The following FAM161B variants were observed in gnomAD, a reference collection of about 807,000 sequenced individuals.
FAM161B encodes the protein protein FAM161B.
A neutral mutation model predicts 61.5 loss-of-function variants in FAM161B; 46 were observed. The observed-to-expected ratio is 0.75, with a 90% CI of 0.59 to 0.96. The LOEUF (loss-of-function observed/expected upper bound fraction) is 0.96, where lower values mean the gene tolerates loss of function less well. Ranked by LOEUF, FAM161B falls within the 40% of genes least tolerant of loss-of-function variation. The probability of loss-of-function intolerance (pLI) is 0.00; values close to 1 mark genes in which losing one functional copy is unlikely to be tolerated. For missense variants in FAM161B, 774 were observed against 800.7 expected (o/e 0.97, Z 0.40); for synonymous variants, 284 against 302.7 (o/e 0.94, Z 0.64).
In FAM161B at chr14:73,944,710, T is replaced by G. The variant is rs1222136542; in HGVS notation, c.550A>C (p.Lys184Gln). 2 of 1,605,546 alleles carry G rather than the reference T, an allele frequency of 1.2e-6. No individual in the cohort carries two copies. The highest frequency in any genetic ancestry group is 3.4e-5 in the Admixed American group (2 of 59,648). ...PFRMTLREAR[K>Q]KAEWLGSPAS... ...GGTGAGCCCAGCCACTCGGCCTTCT[T>G]CCGGGCCTCGCGCAGCGTCATGCGG... Residue 184 changes from lysine to glutamine, a missense_variant, in exon 3 of 9, where the codon AAG becomes CAG. Physicochemically the swap from Lys to Gln is moderately conservative, Grantham distance 53. Coordinates refer to ENST00000286544, the MANE Select transcript of FAM161B (RefSeq NM_152445.3).
chr14:73,937,835 G>C, intron 6 of FAM161B, 113 bp downstream of exon 6: 1 of 1,559,754 alleles, frequency 6.4e-7, no homozygotes, highest in South Asian at 1.2e-5. Flanking sequence ...ACCCTGCTGT[G>C]ATTACAGGAG....
chr14:73,925,265 G>A, the FAM161B span, among the ~76,000 whole-genome samples: 2 of 152,038 alleles, frequency 1.3e-5, no homozygotes, highest in South Asian at 2.1e-4. Flanking sequence ...TCTCACTTAC[G>A]GAGCCTTCCT....
chr14:73,934,441 A>G (rs773096027), intron 8 of FAM161B, 47 bp from the exon 9 acceptor site: 17 of 1,566,626 alleles, frequency 1.1e-5, no homozygotes, highest in Non-Finnish European at 1.5e-5. Flanking sequence ...TTTTTTTTTC[A>G]GACAGGGTCT....
At chr14:73,931,118 T>G (rs926753686), downstream of FAM161B, among the ~76,000 whole-genome samples, 1 of 152,148 alleles carries the variant, frequency 6.6e-6, no homozygotes, top group Non-Finnish European at 1.5e-5. Context: ...TCTTCCTATT[T>G]CCTTCTCCTA....
At chr14:73,947,545 G>A (rs2056077597) in intron 1 of FAM161B, among the ~76,000 whole-genome samples, 1 of 152,112 alleles carries the variant, frequency 6.6e-6, no homozygotes, top group Non-Finnish European at 1.5e-5. Context: ...CTGGGCATTT[G>A]GCTGAGAACA....
At chr14:73,928,498 CGTG>C (rs2055866794), downstream of FAM161B, among the ~76,000 whole-genome samples, 1 of 152,154 alleles carries the variant, frequency 6.6e-6, no homozygotes, top group African/African-American at 2.4e-5. Context: ...TAGGGTATGA[CGTG>C]ATCAGATTTG....
At chr14:73,942,852 T>C (rs1255719805) in intron 3 of FAM161B, 137 bp from the exon 4 acceptor site, 1 of 703,922 alleles carries the variant, frequency 1.4e-6, no homozygotes, top group African/African-American at 1.8e-5. Context: ...TCTGACACGT[T>C]AACATCCTGT....
downstream of FAM161B, among the ~76,000 whole-genome samples, chr14:73,931,244 CA>C (rs1417905097): frequency 1.3e-5 from 2 of 152,156 alleles, no homozygotes; most frequent in East Asian, 3.9e-4. Flanking sequence ...GGTAACTACA[CA>C]AACAATAGTT....
chr14:73,931,559 T>C (rs758007403), downstream of FAM161B: 2 of 1,610,392 alleles, frequency 1.2e-6, no homozygotes, highest in Admixed American at 1.7e-5. Context: ...TGCTGACTCC[T>C]GGAAGAGCAA....
At chr14:73,940,456 T>G (rs1296709866) in intron 5 of FAM161B, among the ~76,000 whole-genome samples, 2 of 152,182 alleles carry the variant, frequency 1.3e-5, no homozygotes, top group Non-Finnish European at 2.9e-5. Context: ...CCATGTTCTC[T>G]CTGTCTGGAA....
At position 73,944,568 on chromosome 14, in the gene FAM161B, T is replaced by C. The variant is rs1420459097; in HGVS notation, c.692A>G (p.Gln231Arg). Reference protein sequence around the residue: ...VPAHVYLPLYQEIMERSEARR... With the variant: ...VPAHVYLPLYREIMERSEARR... Reference sequence around the variant, plus strand: ...GGCCTCGCTGCGCTCCATGATCTCTTGGTAGAGGGGCAGGTAGACATGTGC... The same window carrying C: ...GGCCTCGCTGCGCTCCATGATCTCTCGGTAGAGGGGCAGGTAGACATGTGC... Residue 231 changes from glutamine (Q) to arginine (R), a missense_variant, in exon 3 of 9, where the codon CAA becomes CGA. Coordinates refer to ENST00000286544, the MANE Select transcript of FAM161B (RefSeq NM_152445.3). 5 of 1,613,824 alleles carry C rather than the reference T, an allele frequency of 3.1e-6. No individual in the cohort carries two copies. The highest frequency in any genetic ancestry group is 4.2e-6 in the Non-Finnish European group (5 of 1,179,958).
chr14:73,942,407 G>A lies in FAM161B; in HGVS notation c.1234C>T (p.Gln412Ter). The A allele has an allele frequency of 6.2e-7, 1 of 1,614,206 alleles. No homozygotes were observed. Among genetic ancestry groups the A allele is most frequent in the Non-Finnish European group, 8.5e-7 (1 of 1,180,048 alleles). The change falls in exon 4 of 9, where the codon CAG (glutamine) becomes TAG (stop). Residue 412 changes from glutamine to a stop codon, truncating the protein, a stop_gained. Coordinates refer to ENST00000286544, the MANE Select transcript of FAM161B (RefSeq NM_152445.3). LOFTEE classifies it high-confidence loss of function. ...GTGGTGGCAGCATCACAGGGCCGCT[G>A]AGGGTGGCGCAGGTTGGCGGTCCTC... The part of the protein sequence containing the change: ...LLRTANLRHP[Q>*]RPCDAATTGR...
chr14:73,929,975 T>C (rs1026443959), downstream of FAM161B, among the ~76,000 whole-genome samples: 2 of 152,180 alleles, frequency 1.3e-5, no homozygotes, highest in African/African-American at 2.4e-5. Context: ...CCCCAGGGCT[T>C]TTGGGCTGTC....
chr14:73,940,120 G>A (rs761706206), intron 5 of FAM161B, among the ~76,000 whole-genome samples: 1 of 152,246 alleles, frequency 6.6e-6, no homozygotes, highest in Non-Finnish European at 1.5e-5. Flanking sequence ...TGGGAAGGCA[G>A]TAAGACATTA....
chr14:73,947,098 G>A (rs2056073724), intron 1 of FAM161B, among the ~76,000 whole-genome samples: 1 of 152,058 alleles, frequency 6.6e-6, no homozygotes, highest in Non-Finnish European at 1.5e-5. Flanking sequence ...TCAAGGAATG[G>A]ATGATGGCTG....
At chr14:73,934,639 G>T (rs953488184) in intron 8 of FAM161B, among the ~76,000 whole-genome samples, 3 of 151,332 alleles carry the variant, frequency 2.0e-5, no homozygotes, top group African/African-American at 7.3e-5. Flanking sequence ...TAGAGACAGG[G>T]TTTTGCCATG....
intron 1 of FAM161B, 113 bp downstream of exon 1, chr14:73,949,860 T>C: frequency 6.8e-7 from 1 of 1,470,608 alleles, no homozygotes; most frequent in Non-Finnish European, 9.2e-7. Context: ...TAAACGCTCA[T>C]TTTAATCCCA....
At chr14:73,947,849 T>G (rs2056079504) in intron 1 of FAM161B, among the ~76,000 whole-genome samples, 2 of 152,134 alleles carry the variant, frequency 1.3e-5, no homozygotes, top group African/African-American at 2.4e-5. Context: ...CCTGATTGAT[T>G]CAGGGAACCA....
intron 1 of FAM161B, 60 bp from the exon 2 acceptor site, chr14:73,946,665 T>C: frequency 6.5e-7 from 1 of 1,538,562 alleles, no homozygotes; most frequent in Non-Finnish European, 8.8e-7. Flanking sequence ...ATTCAAATCA[T>C]AACTTAATTT....
Sources: allele counts gnomAD v4.1 joint callset (sites outside exome capture counted in the v4.1 genomes callset), GRCh38; gene constraint gnomAD v4.1.1; transcripts MANE v1.5; gene names NCBI Gene and HGNC (gene_info 2026-07-23, HGNC 2026-07-21).